RBM19: variants seen among roughly 807,000 people sequenced by gnomAD.
The protein encoded by RBM19 is RNA binding motif protein 19.
RBM19 carries 94 observed loss-of-function variants against 116.8 expected under a neutral mutation model. The ratio of observed to expected loss-of-function variants is 0.80; its 90% CI spans 0.68 to 0.95. RBM19 has a LOEUF of 0.95. Ranked by LOEUF, RBM19 falls within the 40% of genes least tolerant of loss-of-function variation. The pLI is 0.00. For missense variants in RBM19, 1,161 were observed against 1,220.7 expected (o/e 0.95, Z 0.73); for synonymous variants, 475 against 494.1 (o/e 0.96, Z 0.51).
chr12:113,876,418 C>G (rs1034563641), intron 21 of RBM19, among the ~76,000 whole-genome samples: 3 of 152,216 alleles, frequency 2.0e-5, no homozygotes, highest in African/African-American at 7.2e-5. Flanking sequence ...CCATGCTCAA[C>G]AGTTGTGTTA....
intron 23 of RBM19, among the ~76,000 whole-genome samples, chr12:113,842,701 G>A (rs1255464795): frequency 6.6e-6 from 1 of 152,250 alleles, no homozygotes; most frequent in Non-Finnish European, 1.5e-5. Context: ...GGTGACAGAA[G>A]AGGAGAGTAG....
intron 21 of RBM19, among the ~76,000 whole-genome samples, chr12:113,869,112 C>A (rs940805272): frequency 6.6e-6 from 1 of 152,142 alleles, no homozygotes; most frequent in Non-Finnish European, 1.5e-5. Context: ...GCAGGTGACC[C>A]CTCCTAAGCC....
intron 6 of RBM19, among the ~76,000 whole-genome samples, chr12:113,955,924 A>C (rs1871901005): frequency 6.6e-6 from 1 of 152,212 alleles, no homozygotes; most frequent in East Asian, 1.9e-4. Context: ...GCTGCATTCC[A>C]GAGGGTTCTC....
At chr12:113,817,101 C>G (rs564327045), downstream of RBM19, 1 of 152,182 alleles carries the variant, frequency 6.6e-6, no homozygotes, top group East Asian at 1.9e-4. Context: ...GGAGCACAGA[C>G]GGGCGCTGCG....
At chr12:113,944,857 A>ACATTTT (rs1425561714) in intron 13 of RBM19, among the ~76,000 whole-genome samples, 9 of 115,404 alleles carry the variant, frequency 7.8e-5, no homozygotes, top group African/African-American at 2.8e-4. Context: ...ATATATGTAT[A>ACATTTT]TATAAAAATG....
At chr12:113,957,728 G>C in intron 6 of RBM19, 54 bp downstream of exon 6, 1 of 1,519,584 alleles carries the variant, frequency 6.6e-7, no homozygotes, top group Non-Finnish European at 8.8e-7. Context: ...TGGGGACCAC[G>C]GGCAAGCAGG....
chr12:113,861,617 T>C (rs1593497844), intron 21 of RBM19, among the ~76,000 whole-genome samples: 1 of 152,060 alleles, frequency 6.6e-6, no homozygotes, highest in Admixed American at 6.5e-5. Context: ...CCTCCCTCTC[T>C]GCAGCACACT....
intron 23 of RBM19, among the ~76,000 whole-genome samples, chr12:113,844,161 G>A (rs968830252): frequency 6.6e-6 from 1 of 152,236 alleles, no homozygotes; most frequent in African/African-American, 2.4e-5. Flanking sequence ...GGTAAGAGGT[G>A]AGTGAGACCT....
At chr12:113,871,486 G>C (rs1182688167) in intron 21 of RBM19, among the ~76,000 whole-genome samples, 1 of 152,190 alleles carries the variant, frequency 6.6e-6, no homozygotes, top group Non-Finnish European at 1.5e-5. Context: ...AATAATTTTA[G>C]CTTTGCGACT....
chr12:113,883,202 G>T (rs1385988264), intron 21 of RBM19, among the ~76,000 whole-genome samples: 1 of 152,246 alleles, frequency 6.6e-6, no homozygotes, highest in Non-Finnish European at 1.5e-5. Context: ...GAAGTCACCT[G>T]TGGCTACCAG....
At chr12:113,830,589 GT>G (rs1373859770) in intron 23 of RBM19, among the ~76,000 whole-genome samples, 322 of 72,968 alleles carry the variant, frequency 4.4e-3, no homozygotes, top group African/African-American at 0.01. Context: ...GGGGGGGGGG[GT>G]GGGCTATGCC....
chr12:113,878,632 GACACACACACACACAC>G (rs55868508), intron 21 of RBM19, among the ~76,000 whole-genome samples: 15 of 137,828 alleles, frequency 1.1e-4, no homozygotes, highest in African/African-American at 3.2e-4. Context: ...CATTCTCCCT[GACACACACACACACAC>G]ACACACACAC....
chr12:113,959,458 G>A, intron 4 of RBM19, 54 bp from the exon 5 acceptor site: 1 of 1,550,304 alleles, frequency 6.5e-7, no homozygotes, highest in South Asian at 1.2e-5. Flanking sequence ...GAGAGGAAGA[G>A]GCAGAGAAGG....
intron 22 of RBM19, among the ~76,000 whole-genome samples, chr12:113,853,500 A>G (rs961210714): frequency 7.2e-5 from 11 of 152,238 alleles, no homozygotes; most frequent in Admixed American, 7.2e-4. Flanking sequence ...TTAAAGGCAC[A>G]TTGCATGGGA....
intron 13 of RBM19, 23 bp from the exon 14 acceptor site, chr12:113,942,457 T>TTC: frequency 6.3e-7 from 1 of 1,583,302 alleles, no homozygotes; most frequent in South Asian, 1.1e-5. Context: ...AAAGGAAGAG[T>TTC]TCTGGTTGGC....
chr12:113,903,302 C>G lies in RBM19; in HGVS notation c.2558+11667G>C, dbSNP rs1881822971. ...AGGATACGTGGCCTTTCGTGTCTGGCTTCTTTCACTCAGCATCATGTTTTC... is the reference window on the plus strand; with the variant it reads ...AGGATACGTGGCCTTTCGTGTCTGGGTTCTTTCACTCAGCATCATGTTTTC... On this transcript the variant is annotated intron_variant, in intron 21 of 23. Coordinates refer to ENST00000261741, the MANE Select transcript of RBM19 (RefSeq NM_016196.4). This position sits in a 1 kb window ranked among gnomAD's most constrained non-coding sequence, Gnocchi z 5.1. Among the ~76,000 whole-genome samples, 1 of 152,218 alleles carries G rather than the reference C, an allele frequency of 6.6e-6. No individual in the cohort carries two copies. The highest frequency in any genetic ancestry group is 1.5e-5 in the Non-Finnish European group (1 of 68,038).
chr12:113,862,640 TG>T (rs1263958003), intron 21 of RBM19, among the ~76,000 whole-genome samples: 1 of 152,050 alleles, frequency 6.6e-6, no homozygotes, highest in Admixed American at 6.6e-5. Context: ...AGGCCAGTGT[TG>T]GGGCGAAGCT....
At chr12:113,913,817 C>T (rs558133320) in intron 21 of RBM19, among the ~76,000 whole-genome samples, 5 of 152,346 alleles carry the variant, frequency 3.3e-5, no homozygotes, top group Admixed American at 1.3e-4. Context: ...TGTTCACCCA[C>T]GCGCAGGCCA....
Position 113,823,223 on chromosome 12 carries a change from C to G in RBM19, c.*1G>C, listed in dbSNP as rs1379996991. ...GAGCCACACACCCTCTCGGTGCCAGCTCACAGCTGAAGGGTCTGCTCCTCG... is the reference window on the plus strand; with the variant it reads ...GAGCCACACACCCTCTCGGTGCCAGGTCACAGCTGAAGGGTCTGCTCCTCG... On this transcript the variant is annotated 3_prime_UTR_variant, in exon 24 of 24. Coordinates refer to ENST00000261741, the MANE Select transcript of RBM19 (RefSeq NM_016196.4). The G allele has an allele frequency of 6.2e-7, 1 of 1,609,318 alleles. No homozygotes were observed. The highest frequency in any genetic ancestry group is 1.3e-5 in the African/African-American group (1 of 74,928).
Sources: allele counts gnomAD v4.1 joint callset (sites outside exome capture counted in the v4.1 genomes callset), GRCh38; gene constraint gnomAD v4.1.1; non-coding constraint Gnocchi (gnomAD v3.1); transcripts MANE v1.5; gene names NCBI Gene and HGNC (gene_info 2026-07-23, HGNC 2026-07-21).